The following FBXL7 variants were observed in gnomAD, a reference collection of about 807,000 sequenced individuals.
FBXL7 encodes F-box/LRR-repeat protein 7.
A neutral mutation model predicts 38.3 loss-of-function variants in FBXL7; 12 were observed. The ratio of observed to expected loss-of-function variants is 0.31; its 90% CI spans 0.20 to 0.51. The LOEUF (loss-of-function observed/expected upper bound fraction) is 0.51, where lower values mean the gene tolerates loss of function less well. Among genes scored for constraint, FBXL7 ranks in the 20% least tolerant of loss-of-function variants. The pLI is 0.98. For synonymous variants in FBXL7, 297 were observed against 300.9 expected (o/e 0.99, Z 0.13); for missense variants, 567 against 676.4 (o/e 0.84, Z 1.79).
At chr5:15,738,449 A>AAGACCTT (rs1735812624) in intron 2 of FBXL7, among the ~76,000 whole-genome samples, 1 of 152,152 alleles carries the variant, frequency 6.6e-6, no homozygotes, top group Non-Finnish European at 1.5e-5. Flanking sequence ...GCTTTACTGG[A>AAGACCTT]AGACCTTAGC....
chr5:15,561,909 G>T (rs1286703152), intron 1 of FBXL7, among the ~76,000 whole-genome samples: 1 of 152,086 alleles, frequency 6.6e-6, no homozygotes, highest in African/African-American at 2.4e-5. Flanking sequence ...AATCAAAACA[G>T]TATGGTACTA....
At chr5:15,886,548 G>T (rs72736144) in intron 2 of FBXL7, among the ~76,000 whole-genome samples, 1,921 of 152,166 alleles carry the variant, frequency 0.013, 24 homozygotes, top group Non-Finnish European at 0.02. Context: ...CATCCCCAAA[G>T]TTACCCCCAG....
At chr5:15,848,542 C>A (rs1738991642) in intron 2 of FBXL7, among the ~76,000 whole-genome samples, 2 of 152,054 alleles carry the variant, frequency 1.3e-5, no homozygotes, top group Admixed American at 6.6e-5. Flanking sequence ...CCACCACGCC[C>A]AGCTAATATT....
Position 15,777,720 on chromosome 5 carries a change from T to TAAAAAAAAAAAAAAAAA in FBXL7, c.128-150160_128-150144dup, listed in dbSNP as rs371293320. ...TATTGTTTGCAAACCCCTATTCTGG[T>TAAAAAAAAAAAAAAAAA]AAAAAAAAAAAAAAAAAAAAAAAAA... On this transcript the variant is annotated intron_variant, in intron 2 of 3. Coordinates refer to ENST00000504595, the MANE Select transcript of FBXL7 (RefSeq NM_012304.5). Among the ~76,000 whole-genome samples the TAAAAAAAAAAAAAAAAA allele has an allele frequency of 5.2e-4, 43 of 82,506 alleles. 1 individual carries two copies. The highest frequency in any genetic ancestry group is 6.7e-4 in the Admixed American group (5 of 7,518). The allele number at this position is 82,506 out of a possible 152,430, so 54.1% of individuals were successfully genotyped here.
chr5:15,674,391 AT>A (rs1000517809), intron 2 of FBXL7, among the ~76,000 whole-genome samples: 2 of 152,204 alleles, frequency 1.3e-5, no homozygotes, highest in Non-Finnish European at 2.9e-5. Context: ...ACTATTACTG[AT>A]TGCTCAAAAG....
intron 1 of FBXL7, among the ~76,000 whole-genome samples, chr5:15,572,387 TAAAAAA>T (rs61523559): frequency 9.0e-6 from 1 of 110,552 alleles, no homozygotes; most frequent in Non-Finnish European, 1.9e-5. Context: ...TGGTTTCTGC[TAAAAAA>T]AAAAAAAAAA....
intron 2 of FBXL7, among the ~76,000 whole-genome samples, chr5:15,889,974 G>A (rs945203179): frequency 2.6e-5 from 4 of 152,156 alleles, no homozygotes; most frequent in Admixed American, 6.5e-5. Flanking sequence ...ATTCCTAACC[G>A]GAGGGAGATT....
chr5:15,618,567 T>TA (rs1463656652), intron 2 of FBXL7, among the ~76,000 whole-genome samples: 4 of 152,224 alleles, frequency 2.6e-5, no homozygotes, highest in Admixed American at 2.6e-4. Flanking sequence ...TAGCCAGTGC[T>TA]AATTTCCTCC....
chr5:15,782,099 T>G (rs1296236905), intron 2 of FBXL7, among the ~76,000 whole-genome samples: 1 of 152,184 alleles, frequency 6.6e-6, no homozygotes, highest in Non-Finnish European at 1.5e-5. Context: ...TTCTGCTCCT[T>G]TGTTAGTTTG....
At chr5:15,930,065 C>A (rs1741998795) in intron 3 of FBXL7, among the ~76,000 whole-genome samples, 1 of 152,186 alleles carries the variant, frequency 6.6e-6, no homozygotes, top group African/African-American at 2.4e-5. Context: ...TTTGCAGATT[C>A]TTTCCCGTGC....
At chr5:15,864,403 C>CT (rs966433235) in intron 2 of FBXL7, among the ~76,000 whole-genome samples, 3 of 150,114 alleles carry the variant, frequency 2.0e-5, no homozygotes, top group African/African-American at 7.4e-5. Context: ...GTAAATCAAA[C>CT]TTTTTTTTTC....
At chr5:15,729,063 G>C (rs991133889) in intron 2 of FBXL7, among the ~76,000 whole-genome samples, 41 of 152,220 alleles carry the variant, frequency 2.7e-4, no homozygotes, top group Non-Finnish European at 4.1e-4. Flanking sequence ...TTAATTAAAT[G>C]AGAAAAGGAA....
At chr5:15,628,535 T>C (rs994685272) in intron 2 of FBXL7, among the ~76,000 whole-genome samples, 1 of 152,202 alleles carries the variant, frequency 6.6e-6, no homozygotes, top group African/African-American at 2.4e-5. Context: ...ATTTTGAGAT[T>C]GTTCATTTGC....
chr5:15,704,650 G>C (rs936878719), intron 2 of FBXL7, among the ~76,000 whole-genome samples: 4 of 152,128 alleles, frequency 2.6e-5, no homozygotes, highest in Non-Finnish European at 5.9e-5. Flanking sequence ...TCTTTTGTTG[G>C]AGTTAAATAC....
intron 2 of FBXL7, among the ~76,000 whole-genome samples, chr5:15,843,277 A>G (rs1463973154): frequency 6.6e-6 from 1 of 151,990 alleles, no homozygotes; most frequent in African/African-American, 2.4e-5. Flanking sequence ...TTCTCTCCTT[A>G]TTACCCCCTC....
chr5:15,666,016 C>T (rs1321900246), intron 2 of FBXL7, among the ~76,000 whole-genome samples: 1 of 152,116 alleles, frequency 6.6e-6, no homozygotes, highest in Non-Finnish European at 1.5e-5. Context: ...GGATCCTAAT[C>T]TGTCACTCAA....
chr5:15,519,849 A>G (rs1428172156), intron 1 of FBXL7, among the ~76,000 whole-genome samples: 1 of 152,164 alleles, frequency 6.6e-6, no homozygotes, highest in Non-Finnish European at 1.5e-5. Flanking sequence ...AGACCCTAAG[A>G]GAAGGTTCTT....
In FBXL7 at chr5:15,674,946, G is replaced by A. The variant is rs1332203276; in HGVS notation, c.127+58874G>A. Among the ~76,000 whole-genome samples, 4 of 152,280 alleles carry A rather than the reference G, an allele frequency of 2.6e-5. No homozygotes were observed. The East Asian group carries it at 7.7e-4, about 29-fold the overall frequency. ...AAGACCCTCTGGAATTCACAGCACT[G>A]CAGACATGTCAGTGGTCAGTCTGTG... On this transcript the variant is annotated intron_variant, in intron 2 of 3. Coordinates refer to ENST00000504595, the MANE Select transcript of FBXL7 (RefSeq NM_012304.5).
At chr5:15,548,906 C>T (rs546571173) in intron 1 of FBXL7, among the ~76,000 whole-genome samples, 101 of 152,230 alleles carry the variant, frequency 6.6e-4, no homozygotes, top group South Asian at 1.5e-3. Context: ...GTTTGGTGGG[C>T]ACGGGGGTGA....
Sources: gnomAD v4.1 joint callset for allele counts (sites outside exome capture counted in the v4.1 genomes callset) on GRCh38, gnomAD v4.1.1 for gene constraint, MANE v1.5 for transcripts, NCBI Gene and HGNC (gene_info 2026-07-23, HGNC 2026-07-21) for gene names.